Variants in CTNNA2 observed in about 807,000 individuals in gnomAD.
CTNNA2 encodes catenin alpha 2.
In CTNNA2, 42 loss-of-function variants were observed where a neutral mutation model predicts 101.0. That is an observed-to-expected ratio of 0.42 (90% CI 0.32 to 0.54). The LOEUF is 0.54. CTNNA2 is among the 20% of genes least tolerant of loss of function. The pLI, the probability that CTNNA2 is intolerant of heterozygous loss-of-function variation, is 0.14. For synonymous variants in CTNNA2, 450 were observed against 456.4 expected, an observed-to-expected ratio of 0.99 and a Z score of 0.18; for missense variants, 871 against 1,223.1, an observed-to-expected ratio of 0.71 and a Z score of 4.29.
chr2:80,550,375 T>C (rs1393368333), intron 11 of CTNNA2, among the ~76,000 whole-genome samples: 1 of 152,158 alleles, frequency 6.6e-6, no homozygotes, highest in Non-Finnish European at 1.5e-5. Flanking sequence ...TCCTGAAGGA[T>C]GGCGTGGCTG....
intron 7 of CTNNA2, among the ~76,000 whole-genome samples, chr2:80,063,561 A>G (rs976335550): frequency 3.3e-5 from 5 of 152,258 alleles, no homozygotes; most frequent in African/African-American, 9.6e-5. Flanking sequence ...AACTGTCTAC[A>G]GTTAGGACTA....
chr2:79,410,284 AC>A (rs1678394143), intron 4 of CTNNA2, among the ~76,000 whole-genome samples: 1 of 143,962 alleles, frequency 6.9e-6, no homozygotes, highest in East Asian at 2.0e-4. Flanking sequence ...CTAATTGAAT[AC>A]CCTTTATTTC....
intron 1 of CTNNA2, among the ~76,000 whole-genome samples, chr2:79,602,770 A>C (rs546895918): frequency 6.6e-6 from 1 of 152,186 alleles, no homozygotes; most frequent in East Asian, 1.9e-4. Flanking sequence ...TAAGACCTTC[A>C]TGAAAAAATC....
chr2:80,198,284 T>C (rs954162028), intron 7 of CTNNA2, among the ~76,000 whole-genome samples: 2 of 152,188 alleles, frequency 1.3e-5, no homozygotes, highest in African/African-American at 4.8e-5. Context: ...TACCCTTGTT[T>C]GAGGTCTTTG....
chr2:80,376,197 A>G (rs1186736484), intron 7 of CTNNA2, among the ~76,000 whole-genome samples: 3 of 152,126 alleles, frequency 2.0e-5, no homozygotes, highest in Non-Finnish European at 2.9e-5. Flanking sequence ...CCTAAATCCT[A>G]AATTCCTAAT....
At position 79,591,907 on chromosome 2, in the gene CTNNA2, AAT is replaced by A. The variant is rs998138148; in HGVS notation, c.-5-59644_-5-59643del. Among the ~76,000 whole-genome samples the A allele has an allele frequency of 3.2e-4, 26 of 82,016 alleles. No individual in the cohort carries two copies. The South Asian group carries it at 7.7e-3, about 24-fold the overall frequency. 53.8% of individuals were successfully genotyped at this position (82,016 alleles called of 152,430 possible). ...TATCGGTTGTTTCTTTTGAAAAAAA[AAT>A]TTTTTTTTTTTTTTTTTGAAATTGA... is the stretch of plus-strand genomic sequence containing the variant. On this transcript the variant is annotated intron_variant, in intron 1 of 18. Transcript: ENST00000402739.
chr2:80,617,216 G>A (rs1302656280), intron 17 of CTNNA2, among the ~76,000 whole-genome samples: 1 of 151,602 alleles, frequency 6.6e-6, no homozygotes, highest in Non-Finnish European at 1.5e-5. Flanking sequence ...TTTTAAAACT[G>A]AGAAATTGTG....
At chr2:79,987,319 T>C (rs1691836248) in intron 7 of CTNNA2, among the ~76,000 whole-genome samples, 1 of 152,192 alleles carries the variant, frequency 6.6e-6, no homozygotes, top group Non-Finnish European at 1.5e-5. Context: ...TCCAGCTTGC[T>C]CACTGTCCTG....
chr2:80,159,596 G>A (rs1366312043), intron 7 of CTNNA2, among the ~76,000 whole-genome samples: 3 of 152,052 alleles, frequency 2.0e-5, no homozygotes, highest in Non-Finnish European at 4.4e-5. Context: ...TCCTGCCTCA[G>A]CCTCCCAAGT....
At chr2:80,559,897 C>A (rs1285382779) in intron 12 of CTNNA2, among the ~76,000 whole-genome samples, 1 of 102,746 alleles carries the variant, frequency 9.7e-6, no homozygotes, top group East Asian at 2.4e-4. Context: ...TATATACACA[C>A]ACATACAGTA....
Position 80,500,319 on chromosome 2 carries a change from C to G in CTNNA2, c.1291-44663C>G, listed in dbSNP as rs186951261. ...GCTACTTCTTTTAACAGCTCCCTGC[C>G]ATGATCCACCATCCATTTATTCATT... On this transcript the variant is annotated intron_variant, in intron 9 of 18. Coordinates refer to ENST00000402739, the MANE Select transcript of CTNNA2 (RefSeq NM_001282597.3). 2.0e-5 allele frequency among the ~76,000 whole-genome samples: 3 copies of G among 152,276 alleles called. No individual in the cohort carries two copies. In the East Asian group the frequency reaches 5.8e-4, roughly 29 times the overall value.
chr2:79,259,616 T>C (rs954145736), intron 2 of CTNNA2, among the ~76,000 whole-genome samples: 1 of 152,116 alleles, frequency 6.6e-6, no homozygotes, highest in East Asian at 1.9e-4. Context: ...CAGGACAAGT[T>C]TGAGTTGGGG....
chr2:79,379,264 C>T (rs1678013717), intron 4 of CTNNA2, among the ~76,000 whole-genome samples: 1 of 152,134 alleles, frequency 6.6e-6, no homozygotes, highest in Non-Finnish European at 1.5e-5. Flanking sequence ...ATATGATGAA[C>T]ATTTTCTCAT....
intron 4 of CTNNA2, among the ~76,000 whole-genome samples, chr2:79,452,403 A>G (rs928947863): frequency 2.0e-5 from 3 of 151,940 alleles, no homozygotes; most frequent in Admixed American, 6.6e-5. Flanking sequence ...CACAGATGAA[A>G]GTAGTATGTT....
intron 6 of CTNNA2, among the ~76,000 whole-genome samples, chr2:79,897,633 A>G (rs916124221): frequency 6.6e-6 from 1 of 152,234 alleles, no homozygotes; most frequent in African/African-American, 2.4e-5. Context: ...CTACTCAGCT[A>G]GAAAGAATTA....
chr2:79,734,146 G>A (rs181727372), intron 2 of CTNNA2, among the ~76,000 whole-genome samples: 58 of 152,126 alleles, frequency 3.8e-4, no homozygotes, highest in African/African-American at 1.3e-3. Context: ...AAATATTTTG[G>A]AATTTGAAAA....
At chr2:79,210,637 G>A (rs982801421) in intron 2 of CTNNA2, among the ~76,000 whole-genome samples, 10 of 152,144 alleles carry the variant, frequency 6.6e-5, no homozygotes, top group African/African-American at 2.4e-4. Context: ...TGTGACAGTA[G>A]GGGAAGGTCT....
At chr2:80,309,367 TTTC>T (rs1457811544) in intron 7 of CTNNA2, among the ~76,000 whole-genome samples, 1 of 152,208 alleles carries the variant, frequency 6.6e-6, no homozygotes, top group Non-Finnish European at 1.5e-5. Context: ...GCAATCCCTT[TTTC>T]TTCTTCTGAA....
intron 2 of CTNNA2, among the ~76,000 whole-genome samples, chr2:79,712,752 A>G (rs545659509): frequency 2.6e-5 from 4 of 152,268 alleles, no homozygotes; most frequent in African/African-American, 9.6e-5. Context: ...AATCAAAAAT[A>G]TTTCTGATTG....
Sources: gnomAD v4.1 joint callset for allele counts (sites outside exome capture counted in the v4.1 genomes callset) on GRCh38, gnomAD v4.1.1 for gene constraint, MANE v1.5 for transcripts, NCBI Gene and HGNC (gene_info 2026-07-23, HGNC 2026-07-21) for gene names.